Variants in RFC3 observed in about 807,000 individuals in gnomAD.
RFC3 encodes the protein A1 38 kDa subunit.
A neutral mutation model predicts 45.1 loss-of-function variants in RFC3; 41 were observed. That is an observed-to-expected ratio of 0.91 (90% CI 0.71 to 1.18). RFC3 has a LOEUF of 1.18. Among genes scored for constraint, RFC3 ranks in the 50% most tolerant of loss-of-function variants. RFC3 has a pLI of 0.00. For synonymous variants in RFC3, 149 were observed against 144.0 expected (o/e 1.03, Z -0.25); for missense variants, 423 against 428.1 (o/e 0.99, Z 0.10).
chr13:33,918,022 T>C (rs2082744208), intron 8 of RFC3, among the ~76,000 whole-genome samples: 1 of 152,134 alleles, frequency 6.6e-6, no homozygotes, highest in Non-Finnish European at 1.5e-5. Flanking sequence ...ATTGCTAGAA[T>C]TTCCTACAGC....
At chr13:33,938,992 G>T (rs1407239239) in intron 8 of RFC3, among the ~76,000 whole-genome samples, 1 of 152,022 alleles carries the variant, frequency 6.6e-6, no homozygotes, top group East Asian at 1.9e-4. Context: ...TAATGGTTTT[G>T]ATATGCTAAT....
intron 8 of RFC3, among the ~76,000 whole-genome samples, chr13:33,951,623 T>TA (rs1360180811): frequency 6.6e-6 from 1 of 152,220 alleles, no homozygotes; most frequent in African/African-American, 2.4e-5. Context: ...ATGGAGAAAT[T>TA]ACCTTTCGAA....
chr13:33,952,108 C>T (rs879632876), intron 8 of RFC3, among the ~76,000 whole-genome samples: 6 of 152,178 alleles, frequency 3.9e-5, no homozygotes, highest in Non-Finnish European at 8.8e-5. Context: ...ACAAGAGATT[C>T]TGAAATGAGA....
At chr13:33,937,470 C>T (rs1483923067) in intron 8 of RFC3, among the ~76,000 whole-genome samples, 1 of 152,068 alleles carries the variant, frequency 6.6e-6, no homozygotes, top group East Asian at 1.9e-4. Context: ...TCTTATATTA[C>T]CAATGAATTA....
chr13:33,865,649 C>T (rs545480201), intron 8 of RFC3, among the ~76,000 whole-genome samples: 1 of 152,308 alleles, frequency 6.6e-6, no homozygotes, highest in Non-Finnish European at 1.5e-5. Flanking sequence ...CCCAGAGATT[C>T]TGGATTCAAT....
chr13:33,965,210 T>C (rs2083079965), intron 8 of RFC3, among the ~76,000 whole-genome samples: 1 of 152,200 alleles, frequency 6.6e-6, no homozygotes, highest in South Asian at 2.1e-4. Flanking sequence ...CCAAATTCGA[T>C]ATGACCTTGG....
chr13:33,868,181 C>T (rs114252945), intron 8 of RFC3, among the ~76,000 whole-genome samples: 1 of 152,272 alleles, frequency 6.6e-6, no homozygotes, highest in African/African-American at 2.4e-5. Flanking sequence ...ATAACTGGAC[C>T]TGTGCAGGAC....
intron 8 of RFC3, among the ~76,000 whole-genome samples, chr13:33,902,201 A>T (rs1393582204): frequency 6.6e-6 from 1 of 152,068 alleles, no homozygotes; most frequent in African/African-American, 2.4e-5. Context: ...CATAGGTCCT[A>T]TTATAATTAG....
intron 7 of RFC3, among the ~76,000 whole-genome samples, chr13:33,832,436 T>A (rs1012750649): frequency 1.3e-5 from 2 of 152,224 alleles, no homozygotes; most frequent in Non-Finnish European, 1.5e-5. Flanking sequence ...TCTAATTTTT[T>A]AAGAAATTCT....
rs574077812 is a variant in RFC3 at position 33,912,055 on chromosome 13, A to G, written c.880-54032A>G. Among the ~76,000 whole-genome samples, 7 of 152,226 alleles carry G rather than the reference A, an allele frequency of 4.6e-5. No homozygotes were observed. In the South Asian group the frequency reaches 1.2e-3, roughly 27 times the overall value. ...ATTAAAAGTAATGGCAAAAACTGCAATTACTTTTGCACCAACCTAATATTT... is the reference window on the plus strand; with the variant it reads ...ATTAAAAGTAATGGCAAAAACTGCAGTTACTTTTGCACCAACCTAATATTT... On this transcript the variant is annotated intron_variant, in intron 8 of 8. Coordinates refer to the RFC3 transcript ENST00000434425.
At chr13:33,944,184 A>T (rs987840239) in intron 8 of RFC3, among the ~76,000 whole-genome samples, 1 of 152,172 alleles carries the variant, frequency 6.6e-6, no homozygotes, top group African/African-American at 2.4e-5. Context: ...TTTGGTTGTT[A>T]TGAACTCTCT....
At chr13:33,914,582 G>A (rs1352128240) in intron 8 of RFC3, among the ~76,000 whole-genome samples, 1 of 152,034 alleles carries the variant, frequency 6.6e-6, no homozygotes, top group Non-Finnish European at 1.5e-5. Flanking sequence ...CACCTCCTTG[G>A]AAACTATGTG....
At chr13:33,926,267 G>C (rs1163845571) in intron 8 of RFC3, among the ~76,000 whole-genome samples, 1 of 151,072 alleles carries the variant, frequency 6.6e-6, no homozygotes, top group Non-Finnish European at 1.5e-5. Context: ...TACATGACGA[G>C]TTAGTGGGTG....
At chr13:33,837,938 G>A (rs1384752732), downstream of RFC3, among the ~76,000 whole-genome samples, 1 of 151,524 alleles carries the variant, frequency 6.6e-6, no homozygotes, top group Non-Finnish European at 1.5e-5. Context: ...TTTCACTTGT[G>A]ATTTTTTTTT....
At chr13:33,849,772 G>A (rs1017472757) in intron 8 of RFC3, 1 of 152,180 alleles carries the variant, frequency 6.6e-6, no homozygotes, top group African/African-American at 2.4e-5. Flanking sequence ...CAGCTACTCA[G>A]GAGGCTGAGG....
At chr13:33,841,469 C>A (rs1008318491), downstream of RFC3, among the ~76,000 whole-genome samples, 1 of 152,114 alleles carries the variant, frequency 6.6e-6, no homozygotes, top group Non-Finnish European at 1.5e-5. Context: ...ACAGTGTATT[C>A]ATTTTGAAGT....
chr13:33,875,996 A>G (rs1230845847), intron 8 of RFC3, among the ~76,000 whole-genome samples: 1 of 152,176 alleles, frequency 6.6e-6, no homozygotes, highest in Non-Finnish European at 1.5e-5. Flanking sequence ...AATGTTAGCT[A>G]TTGATTTTGA....
intron 8 of RFC3, among the ~76,000 whole-genome samples, chr13:33,855,108 G>C (rs1342075359): frequency 1.3e-5 from 2 of 152,088 alleles, no homozygotes; most frequent in African/African-American, 4.8e-5. Context: ...AGAAAAAAAA[G>C]GTTAAAATAC....
exon 9 of RFC3, chr13:33,966,398 T>A (rs2083088022): frequency 2.1e-6 from 1 of 468,310 alleles, no homozygotes; most frequent in Non-Finnish European, 3.8e-6. Context: ...CATGTCTTTC[T>A]CAGAGGACAA....
Sources: allele counts gnomAD v4.1 joint callset (sites outside exome capture counted in the v4.1 genomes callset), GRCh38; gene constraint gnomAD v4.1.1; transcripts MANE v1.5; gene names NCBI Gene and HGNC (gene_info 2026-07-23, HGNC 2026-07-21).